The following JAKMIP1 variants were observed in gnomAD, a reference collection of about 807,000 sequenced individuals.
JAKMIP1 encodes janus kinase and microtubule interacting protein 1.
JAKMIP1 carries 33 observed loss-of-function variants against 113.0 expected under a neutral mutation model. The observed-to-expected ratio is 0.29, with a 90% confidence interval of 0.22 to 0.39. The LOEUF (loss-of-function observed/expected upper bound fraction) is 0.39. JAKMIP1 is among the 10% of genes least tolerant of loss of function. The pLI is 1.00. For missense variants in JAKMIP1, 813 were observed against 1,080.5 expected, an observed-to-expected ratio of 0.75 and a Z score of 3.47; for synonymous variants, 480 against 459.9, an observed-to-expected ratio of 1.04 and a Z score of -0.56.
At position 6,081,014 on chromosome 4, in the gene JAKMIP1, C is replaced by CACACACACACACACACACACACA. The variant is rs1553821445; in HGVS notation, c.1101+594_1101+595insTGTGTGTGTGTGTGTGTGTGTGT. Reference sequence around the variant, plus strand: ...ACACACACACACACACACACACACACCTGCATCTGCTACAGTGCAGACAGC... The same window carrying CACACACACACACACACACACACA: ...ACACACACACACACACACACACACACACACACACACACACACACACACACTGCATCTGCTACAGTGCAGACAGC... On this transcript the variant is annotated intron_variant, in intron 6 of 20. Transcript: ENST00000409021. This position sits in a 1 kb window ranked among gnomAD's most constrained non-coding sequence, Gnocchi z 4.6. Among the ~76,000 whole-genome samples, 12 of 151,224 alleles carry CACACACACACACACACACACACA rather than the reference C, an allele frequency of 7.9e-5. No homozygotes were observed. Among genetic ancestry groups the CACACACACACACACACACACACA allele is most frequent in the African/African-American group, 2.2e-4 (9 of 41,144 alleles).
In JAKMIP1 at chr4:6,051,310, C is replaced by T. The variant is rs939933255; in HGVS notation, c.1807-631G>A. Reference sequence around the variant, plus strand: ...CAATCTTGGCTCACTGCAACCTCCACCTCCCGGGTTCAAGTGATTCTCCTG... The same window carrying T: ...CAATCTTGGCTCACTGCAACCTCCATCTCCCGGGTTCAAGTGATTCTCCTG... On this transcript the variant is annotated intron_variant, in intron 13 of 20. Coordinates refer to ENST00000409021, the MANE Select transcript of JAKMIP1 (RefSeq NM_001099433.2). This position sits in a 1 kb window ranked among gnomAD's most constrained non-coding sequence, Gnocchi z 5.0. 5.9e-5 allele frequency among the ~76,000 whole-genome samples: 9 copies of T among 152,028 alleles called. No homozygotes were observed. Among genetic ancestry groups the T allele is most frequent in the African/African-American group, 2.2e-4 (9 of 41,390 alleles).
At position 6,064,898 on chromosome 4, in the gene JAKMIP1, G is replaced by C. The variant is rs574312710; in HGVS notation, c.1413C>G (p.Pro471=). The C allele has an allele frequency of 1.2e-6, 2 of 1,614,042 alleles. No homozygotes were observed. The highest frequency in any genetic ancestry group is 3.3e-5 in the Admixed American group (2 of 60,002). Residue 471 remains proline, a synonymous_variant, in exon 9 of 21, where the codon CCC becomes CCG. Coordinates refer to ENST00000409021, the MANE Select transcript of JAKMIP1 (RefSeq NM_001099433.2). The surrounding 1 kb of genome is among the most constrained non-coding windows in gnomAD (Gnocchi z 4.3). ...TDRTDRTPAT[P]EEDLDDATAR... ...TGCTTACATCGTCCAAGTCTTCTTC[G>C]GGCGTGGCTGGGGTCCTGTCTGTCC...
rs1453876012 is a variant in JAKMIP1, at chr4:6,197,896, A to G, written c.-148+2357T>C. Reference sequence around the variant, plus strand: ...TTGTTCCCTCTGCCACTTGTCCCACAGCCCAATCCACCCTTACACACCAAG... The same window carrying G: ...TTGTTCCCTCTGCCACTTGTCCCACGGCCCAATCCACCCTTACACACCAAG... On this transcript the variant is annotated intron_variant, in intron 1 of 20. Transcript: ENST00000409021. This position sits in a 1 kb window ranked among gnomAD's most constrained non-coding sequence, Gnocchi z 6.5. Among the ~76,000 whole-genome samples the G allele has an allele frequency of 6.6e-6, 1 of 152,246 alleles. No individual in the cohort carries two copies. Among genetic ancestry groups the G allele is most frequent in the Admixed American group, 6.5e-5 (1 of 15,276 alleles).
chr4:6,164,419 T>C (rs1723344825), intron 1 of JAKMIP1, among the ~76,000 whole-genome samples: 1 of 152,184 alleles, frequency 6.6e-6, no homozygotes, highest in Admixed American at 6.5e-5. Context: ...TTATGGCTCA[T>C]TGACAAGAGC....
At chr4:6,063,187 G>A (rs1230105792) in intron 9 of JAKMIP1, among the ~76,000 whole-genome samples, 3 of 151,852 alleles carry the variant, frequency 2.0e-5, no homozygotes, top group African/African-American at 4.8e-5. Flanking sequence ...ACACAAATAC[G>A]AAGGAGCTCC....
At position 6,199,422 on chromosome 4, in the gene JAKMIP1, G is replaced by C. The variant is rs1271227834; in HGVS notation, c.-148+831C>G. Among the ~76,000 whole-genome samples, 3 of 152,218 alleles carry C rather than the reference G, an allele frequency of 2.0e-5. No individual in the cohort carries two copies. The highest frequency in any genetic ancestry group is 7.2e-5 in the African/African-American group (3 of 41,474). Reference sequence around the variant, plus strand: ...AGCAGGGGGGATGGAGCGAAGGACCGAGGGGCTGGGAGGCGAGGCCGCAGC... The same window carrying C: ...AGCAGGGGGGATGGAGCGAAGGACCCAGGGGCTGGGAGGCGAGGCCGCAGC... On this transcript the variant is annotated intron_variant, in intron 1 of 20. Coordinates refer to ENST00000409021, the MANE Select transcript of JAKMIP1 (RefSeq NM_001099433.2). The surrounding 1 kb of genome is among the most constrained non-coding windows in gnomAD (Gnocchi z 5.6).
intron 5 of JAKMIP1, 79 bp downstream of exon 5, chr4:6,084,767 T>A: frequency 2.1e-6 from 3 of 1,412,004 alleles, no homozygotes; most frequent in Non-Finnish European, 1.9e-6. Context: ...ATTAACTTTC[T>A]GTGCAGGGCA....
rs868277804 is a variant in JAKMIP1, at chr4:6,168,738, C to T, written c.-148+31515G>A. 1.3e-5 allele frequency among the ~76,000 whole-genome samples: 2 copies of T among 150,010 alleles called. No homozygotes were observed. Among genetic ancestry groups the T allele is most frequent in the African/African-American group, 2.5e-5 (1 of 40,418 alleles). ...AATCCATGTCTCTACAAAAAAAAAA[C>T]AAAACACAAAAATTAGCCAGGCCTG... On this transcript the variant is annotated intron_variant, in intron 1 of 20. Transcript: ENST00000409021. This position sits in a 1 kb window ranked among gnomAD's most constrained non-coding sequence, Gnocchi z 4.6.
chr4:6,098,568 A>AAGAAAGAAAGAAAGAAAGAAAGAAAG (rs779536102), intron 3 of JAKMIP1, among the ~76,000 whole-genome samples: 1 of 35,352 alleles, frequency 2.8e-5, no homozygotes, highest in African/African-American at 8.5e-5. Flanking sequence ...GAAAGAAAGA[A>AAGAAAGAAAGAAAGAAAGAAAGAAAG]AGAAAGAAAG....
At position 6,140,962 on chromosome 4, in the gene JAKMIP1, T is replaced by A. The variant is rs957034989; in HGVS notation, c.-147-27965A>T. Among the ~76,000 whole-genome samples, 1 of 152,272 alleles carries A rather than the reference T, an allele frequency of 6.6e-6. No individual in the cohort carries two copies. The highest frequency in any genetic ancestry group is 2.4e-5 in the African/African-American group (1 of 41,518). ...CTGAGGTCCAAAGAGGGAAAATCACTTGCCTAAGACCCCAGAGCTGGGTGA... is the reference window on the plus strand; with the variant it reads ...CTGAGGTCCAAAGAGGGAAAATCACATGCCTAAGACCCCAGAGCTGGGTGA... On this transcript the variant is annotated intron_variant, in intron 1 of 20. Coordinates refer to ENST00000409021, the MANE Select transcript of JAKMIP1 (RefSeq NM_001099433.2). This position sits in a 1 kb window ranked among gnomAD's most constrained non-coding sequence, Gnocchi z 9.4.
rs1460479241 is a variant in JAKMIP1, at chr4:6,106,580, A to G, written c.130-613T>C. On this transcript the variant is annotated intron_variant, in intron 2 of 20. Coordinates refer to ENST00000409021, the MANE Select transcript of JAKMIP1 (RefSeq NM_001099433.2). The surrounding 1 kb of genome is among the most constrained non-coding windows in gnomAD (Gnocchi z 5.9). ...TCTTCCTCTCTCTCTCCTCTGTTTT[A>G]TCATGAGGCAGCCAAAGATCAGAGA... 6.6e-6 allele frequency among the ~76,000 whole-genome samples: 1 copy of G among 151,456 alleles called. No individual in the cohort carries two copies. Among genetic ancestry groups the G allele is most frequent in the East Asian group, 1.9e-4 (1 of 5,182 alleles).
intron 13 of JAKMIP1, chr4:6,053,781 A>T: frequency 8.0e-7 from 1 of 1,245,210 alleles, no homozygotes; most frequent in Non-Finnish European, 1.0e-6. Flanking sequence ...TATTTTATTA[A>T]GTGCAAAACA....
At position 6,067,689 on chromosome 4, in the gene JAKMIP1, C is replaced by T. The variant is rs1718344714; in HGVS notation, c.1303-2681G>A. Among the ~76,000 whole-genome samples, 1 of 151,284 alleles carries T rather than the reference C, an allele frequency of 6.6e-6. No homozygotes were observed. Among genetic ancestry groups the T allele is most frequent in the Non-Finnish European group, 1.5e-5 (1 of 67,750 alleles). On this transcript the variant is annotated intron_variant, in intron 8 of 20. Coordinates refer to ENST00000409021, the MANE Select transcript of JAKMIP1 (RefSeq NM_001099433.2). The surrounding 1 kb of genome is among the most constrained non-coding windows in gnomAD (Gnocchi z 4.6). ...CCCCTGAGCTCCAGGTTCACTCAAG[C>T]TCTTCTGCACACACAGGTCACCCCC...
chr4:6,042,065 T>C lies in JAKMIP1; in HGVS notation c.2097+94A>G, dbSNP rs759270827. 2.0e-6 allele frequency: 2 copies of C among 1,019,412 alleles called. No homozygotes were observed. The highest frequency in any genetic ancestry group is 3.0e-6 in the Non-Finnish European group (2 of 658,918). The allele number at this position is 1,019,412 out of a possible 1,614,324, so 63.1% of individuals were successfully genotyped here. A position where few individuals can be genotyped will look rare whatever the true frequency, so the allele number is the denominator to read the frequency against. On this transcript the variant is annotated intron_variant, in intron 17 of 20. Transcript: ENST00000409021. This position sits in a 1 kb window ranked among gnomAD's most constrained non-coding sequence, Gnocchi z 5.2. ...AGCAAAATTGAGAAATGCATGCAAA[T>C]CATTAGGAAAACACATGCAAAGCCT... is the stretch of plus-strand genomic sequence containing the variant.
chr4:6,094,781 C>T lies in JAKMIP1; in HGVS notation c.625-9152G>A, dbSNP rs1722578311. ...GGCAGAGGCAGGACATTTGCTTTAG[C>T]TCAGGAGTTCAAGACCAGCCTGGGC... On this transcript the variant is annotated intron_variant, in intron 3 of 20. Coordinates refer to ENST00000409021, the MANE Select transcript of JAKMIP1 (RefSeq NM_001099433.2). This position sits in a 1 kb window ranked among gnomAD's most constrained non-coding sequence, Gnocchi z 4.2. Among the ~76,000 whole-genome samples, 2 of 152,276 alleles carry T rather than the reference C, an allele frequency of 1.3e-5. No individual in the cohort carries two copies. Among genetic ancestry groups the T allele is most frequent in the South Asian group, 2.1e-4 (1 of 4,826 alleles).
chr4:6,046,087 C>G (rs62284778), intron 16 of JAKMIP1, among the ~76,000 whole-genome samples: 1 of 152,288 alleles, frequency 6.6e-6, no homozygotes, highest in East Asian at 1.9e-4. Context: ...ACCAGCTTGT[C>G]CCTGTTGGCC....
intron 1 of JAKMIP1, 57 bp from the exon 2 acceptor site, chr4:6,113,054 C>T (rs1489476675): frequency 1.2e-6 from 1 of 803,188 alleles, no homozygotes; most frequent in East Asian, 3.0e-5. Context: ...AGCTGGTGTC[C>T]CTGCCTCGGG....
intron 1 of JAKMIP1, among the ~76,000 whole-genome samples, chr4:6,196,704 C>CA (rs1191933901): frequency 3.3e-5 from 5 of 151,898 alleles, no homozygotes; most frequent in African/African-American, 7.2e-5. Flanking sequence ...ACTAAAAATA[C>CA]AAAAAAATTA....
chr4:6,125,620 A>G (rs62284818), intron 1 of JAKMIP1, among the ~76,000 whole-genome samples: 6 of 135,012 alleles, frequency 4.4e-5, no homozygotes, highest in African/African-American at 1.2e-4. Context: ...CACACACCAT[A>G]CAGAAACACA....
Sources: allele counts gnomAD v4.1 joint callset (sites outside exome capture counted in the v4.1 genomes callset), GRCh38; gene constraint gnomAD v4.1.1; non-coding constraint Gnocchi (gnomAD v3.1); transcripts MANE v1.5; gene names NCBI Gene and HGNC (gene_info 2026-07-23, HGNC 2026-07-21).